Variants in EIF2B3 observed in about 807,000 individuals in gnomAD.
EIF2B3 encodes eukaryotic translation initiation factor 2B subunit gamma.
Under a neutral mutation model 54.1 loss-of-function variants are expected in EIF2B3, and 20 were observed. The ratio of observed to expected loss-of-function variants is 0.37; its 90% CI spans 0.26 to 0.54. EIF2B3 has a LOEUF of 0.54. Ranked by LOEUF, EIF2B3 falls within the 20% of genes least tolerant of loss-of-function variation. The probability of loss-of-function intolerance (pLI) is 0.86; values close to 1 mark genes in which losing one functional copy is unlikely to be tolerated. For missense variants in EIF2B3, 448 were observed against 547.8 expected (o/e 0.82, Z 1.82); for synonymous variants, 153 against 188.1 (o/e 0.81, Z 1.52).
intron 4 of EIF2B3, among the ~76,000 whole-genome samples, chr1:44,934,393 G>C (rs1643924454): frequency 6.7e-6 from 1 of 149,290 alleles, no homozygotes; most frequent in Non-Finnish European, 1.5e-5. Context: ...GTGAGACTCT[G>C]TCTCAAAAAA....
At chr1:44,892,700 C>T (rs1256073165) in intron 6 of EIF2B3, among the ~76,000 whole-genome samples, 1 of 152,228 alleles carries the variant, frequency 6.6e-6, no homozygotes, top group African/African-American at 2.4e-5. Context: ...ATGAATGCAA[C>T]TAGGAAGTTC....
At chr1:44,932,676 T>G (rs544628403) in intron 4 of EIF2B3, among the ~76,000 whole-genome samples, 1 of 152,206 alleles carries the variant, frequency 6.6e-6, no homozygotes, top group East Asian at 1.9e-4. Context: ...AAGTGTTTCA[T>G]GCAAAGAATC....
chr1:44,875,987 T>C (rs1235865673), intron 8 of EIF2B3, among the ~76,000 whole-genome samples: 1 of 152,232 alleles, frequency 6.6e-6, no homozygotes, highest in Non-Finnish European at 1.5e-5. Flanking sequence ...GGTTTCGCTG[T>C]GTTGGCCGGG....
chr1:44,950,712 A>C (rs949961516), intron 3 of EIF2B3, among the ~76,000 whole-genome samples: 1 of 152,146 alleles, frequency 6.6e-6, no homozygotes, highest in African/African-American at 2.4e-5. Flanking sequence ...TTTTGAGACA[A>C]GAGTCTTGCT....
intron 4 of EIF2B3, among the ~76,000 whole-genome samples, chr1:44,938,956 C>G (rs1415980640): frequency 1.3e-5 from 2 of 151,702 alleles, no homozygotes; most frequent in African/African-American, 4.8e-5. Context: ...AAAAAGTTAG[C>G]CAGGCATGGT....
intron 10 of EIF2B3, among the ~76,000 whole-genome samples, chr1:44,867,955 T>C (rs113523420): frequency 0.012 from 1,772 of 151,712 alleles, 25 homozygotes; most frequent in African/African-American, 0.04. Context: ...GGAAAATCAC[T>C]TGAGCCCAGG....
intron 8 of EIF2B3, 46 bp from the exon 9 acceptor site, chr1:44,875,741 G>T: frequency 6.6e-7 from 1 of 1,511,458 alleles, no homozygotes; most frequent in Non-Finnish European, 9.2e-7. Context: ...AACACCTTAG[G>T]TAGCTCTCCC....
intron 6 of EIF2B3, among the ~76,000 whole-genome samples, chr1:44,888,473 A>ATCTCTCTC (rs3044260): frequency 0.02 from 2,932 of 144,448 alleles, 47 homozygotes; most frequent in Non-Finnish European, 0.032. Context: ...TGGCTTCTCA[A>ATCTCTCTC]TCTCTCTCTC....
At chr1:44,927,952 A>G (rs1435994699) in intron 4 of EIF2B3, among the ~76,000 whole-genome samples, 1 of 151,936 alleles carries the variant, frequency 6.6e-6, no homozygotes. Context: ...ACTTGAGCCC[A>G]GGAATTCAAG....
At chr1:44,928,425 C>T (rs965729873) in intron 4 of EIF2B3, among the ~76,000 whole-genome samples, 6 of 151,582 alleles carry the variant, frequency 4.0e-5, no homozygotes, top group Admixed American at 2.0e-4. Context: ...CCAGCCTGGG[C>T]GACAGAGTGA....
chr1:44,859,449 G>A (rs1654541264), intron 10 of EIF2B3, among the ~76,000 whole-genome samples: 1 of 152,094 alleles, frequency 6.6e-6, no homozygotes, highest in East Asian at 1.9e-4. Flanking sequence ...CTGAGGTCAG[G>A]AGTTTGAGGC....
chr1:44,942,418 T>TACATATATATATA (rs1553177413), intron 3 of EIF2B3, among the ~76,000 whole-genome samples: 2 of 8,102 alleles, frequency 2.5e-4, no homozygotes, highest in African/African-American at 1.4e-3. Context: ...TATATATATA[T>TACATATATATATA]TTTTTTTTTT....
At chr1:44,908,782 A>G (rs1185825621) in intron 5 of EIF2B3, among the ~76,000 whole-genome samples, 1 of 152,214 alleles carries the variant, frequency 6.6e-6, no homozygotes, top group African/African-American at 2.4e-5. Context: ...GAGTGGCAGA[A>G]GAAAGGGGGT....
At chr1:44,852,582 C>T (rs1248831053) in intron 11 of EIF2B3, among the ~76,000 whole-genome samples, 2 of 151,916 alleles carry the variant, frequency 1.3e-5, no homozygotes, top group Non-Finnish European at 2.9e-5. Flanking sequence ...GAGTTCAAGA[C>T]CAGCCTGGCC....
intron 4 of EIF2B3, among the ~76,000 whole-genome samples, chr1:44,934,972 G>A (rs551543180): frequency 1.4e-4 from 21 of 152,360 alleles, no homozygotes; most frequent in Non-Finnish European, 2.6e-4. Context: ...ACATCTGTTA[G>A]TGCAGAGGGA....
chr1:44,856,297 T>C (rs745820438), intron 11 of EIF2B3, among the ~76,000 whole-genome samples: 1 of 151,964 alleles, frequency 6.6e-6, no homozygotes, highest in Admixed American at 6.6e-5. Context: ...GGTGGCTTGC[T>C]TGAGGCCAGG....
At chr1:44,951,791 CT>C (rs59135544) in intron 3 of EIF2B3, among the ~76,000 whole-genome samples, 96 of 139,992 alleles carry the variant, frequency 6.9e-4, no homozygotes, top group Admixed American at 6.6e-4. Flanking sequence ...CTCCCTTCCT[CT>C]TTTTTTTTTT....
Position 44,965,634 on chromosome 1 carries a change from C to CTTTT in EIF2B3, c.294+12677_294+12680dup, listed in dbSNP as rs386366856. Reference sequence around the variant, plus strand: ...GGGTATCTGAGATGCACAAATGCATCTTTTTTTTTTTTTTTTTTTTTTTGA... The same window carrying CTTTT: ...GGGTATCTGAGATGCACAAATGCATCTTTTTTTTTTTTTTTTTTTTTTTTTTTGA... On this transcript the variant is annotated intron_variant, in intron 3 of 11. Coordinates refer to ENST00000360403, the MANE Select transcript of EIF2B3 (RefSeq NM_020365.5). 3.3e-3 allele frequency among the ~76,000 whole-genome samples: 333 copies of CTTTT among 102,390 alleles called. 7 individuals are homozygous for CTTTT. The highest frequency in any genetic ancestry group is 3.8e-3 in the Non-Finnish European group (205 of 53,794). 67.2% of individuals were successfully genotyped at this position (102,390 alleles called of 152,430 possible).
chr1:44,851,545 TG>T (rs914586314), intron 11 of EIF2B3, among the ~76,000 whole-genome samples: 2 of 152,124 alleles, frequency 1.3e-5, no homozygotes, highest in Non-Finnish European at 2.9e-5. Context: ...GAACTGAAAC[TG>T]GGTCTTAAAG....
Sources: allele counts gnomAD v4.1 joint callset (sites outside exome capture counted in the v4.1 genomes callset), GRCh38; gene constraint gnomAD v4.1.1; transcripts MANE v1.5; gene names NCBI Gene and HGNC (gene_info 2026-07-23, HGNC 2026-07-21).